PLXNA4: variants seen among roughly 807,000 people sequenced by gnomAD.
PLXNA4 encodes plexin-A4.
PLXNA4 carries 44 observed loss-of-function variants against 191.8 expected under a neutral mutation model. The ratio of observed to expected loss-of-function variants is 0.23; its 90% CI spans 0.18 to 0.29. The LOEUF (loss-of-function observed/expected upper bound fraction) is 0.29, where lower values mean the gene tolerates loss of function less well. Among genes scored for constraint, PLXNA4 ranks in the 10% least tolerant of loss-of-function variants. The pLI is 1.00. For missense variants in PLXNA4, 1,800 were observed against 2,488.8 expected, an observed-to-expected ratio of 0.72 and a Z score of 5.89; for synonymous variants, 1,082 against 1,009.5, an observed-to-expected ratio of 1.07 and a Z score of -1.36.
In PLXNA4 at chr7:132,130,179, C is replaced by T. The variant is rs1415471491; in HGVS notation, c.*300G>A. On this transcript the variant is annotated 3_prime_UTR_variant, in exon 32 of 32. Transcript: ENST00000321063. ...CTGCTGACATGCACAGGGTCAGGAG[C>T]ACCTGGGAGACAGAGGCCTCTCTGA... The T allele has an allele frequency of 5.6e-6, 2 of 356,820 alleles. No individual in the cohort carries two copies. Among genetic ancestry groups the T allele is most frequent in the African/African-American group, 2.1e-5 (1 of 48,704 alleles). The allele number at this position is 356,820 out of a possible 1,614,324, so 22.1% of individuals were successfully genotyped here. A position where few individuals can be genotyped will look rare whatever the true frequency, so the allele number is the denominator to read the frequency against.
At chr7:132,589,400 AAAT>A (rs1222473703) in intron 2 of PLXNA4, among the ~76,000 whole-genome samples, 12 of 152,310 alleles carry the variant, frequency 7.9e-5, no homozygotes, top group African/African-American at 2.9e-4. Flanking sequence ...ACTCAGTAAG[AAAT>A]AATGTTTATA....
chr7:132,595,698 G>A (rs1251399648), intron 2 of PLXNA4, among the ~76,000 whole-genome samples: 2 of 152,190 alleles, frequency 1.3e-5, no homozygotes, highest in African/African-American at 4.8e-5. Context: ...AGGAAGATCA[G>A]ATAGAAGTTA....
Position 132,507,704 on chromosome 7 carries a change from T to C in PLXNA4, c.990A>G (p.Pro330=). ...AVLGRTLGVH[P]DDDLLFTVFS... Reference sequence around the variant, plus strand: ...AGACGGTGAAGAGCAGGTCATCATCTGGATGGACTCCAAGGGTCCTGCCAA... The same window carrying C: ...AGACGGTGAAGAGCAGGTCATCATCCGGATGGACTCCAAGGGTCCTGCCAA... Residue 330 remains proline, a synonymous_variant, in exon 2 of 32, where the codon CCA becomes CCG. Coordinates refer to ENST00000321063, the MANE Select transcript of PLXNA4 (RefSeq NM_020911.2). 6.2e-7 allele frequency: 1 copy of C among 1,614,216 alleles called. No individual in the cohort carries two copies. Among genetic ancestry groups the C allele is most frequent in the South Asian group, 1.1e-5 (1 of 91,090 alleles).
chr7:132,516,280 C>T (rs1798936103), intron 1 of PLXNA4, among the ~76,000 whole-genome samples: 1 of 151,226 alleles, frequency 6.6e-6, no homozygotes, highest in African/African-American at 2.4e-5. Context: ...AAAGGTAAAG[C>T]TCTTTTTTAA....
intron 3 of PLXNA4, among the ~76,000 whole-genome samples, chr7:132,340,687 G>A (rs970442056): frequency 6.6e-6 from 1 of 152,188 alleles, no homozygotes; most frequent in Non-Finnish European, 1.5e-5. Context: ...CATCCTGCAA[G>A]TCCAGTTTTC....
intron 1 of PLXNA4, among the ~76,000 whole-genome samples, chr7:132,509,241 C>G (rs1470906010): frequency 1.3e-5 from 2 of 152,094 alleles, no homozygotes; most frequent in African/African-American, 4.8e-5. Flanking sequence ...TCCGGTGTTC[C>G]CCACAGCAGG....
At position 132,370,372 on chromosome 7, in the gene PLXNA4, G is replaced by A. The variant is rs1019978467; in HGVS notation, c.1372-72150C>T. Reference sequence around the variant, plus strand: ...ACTGGGAAGCCCACAGGCCTCACAAGCCAGAGGCACCATGGTTTCTTGACT... The same window carrying A: ...ACTGGGAAGCCCACAGGCCTCACAAACCAGAGGCACCATGGTTTCTTGACT... On this transcript the variant is annotated intron_variant, in intron 3 of 31. Coordinates refer to ENST00000321063, the MANE Select transcript of PLXNA4 (RefSeq NM_020911.2). Among the ~76,000 whole-genome samples the A allele has an allele frequency of 7.2e-5, 11 of 152,314 alleles. No individual in the cohort carries two copies. In the East Asian group the frequency reaches 1.5e-3, roughly 21 times the overall value.
chr7:132,232,562 C>G (rs984948667), intron 5 of PLXNA4, among the ~76,000 whole-genome samples: 2 of 152,102 alleles, frequency 1.3e-5, no homozygotes, highest in Non-Finnish European at 2.9e-5. Flanking sequence ...AGCCTCAGAT[C>G]AAAGGTGCAA....
chr7:132,594,288 A>C (rs1350782316), intron 2 of PLXNA4, among the ~76,000 whole-genome samples: 2 of 152,154 alleles, frequency 1.3e-5, no homozygotes, highest in African/African-American at 4.8e-5. Flanking sequence ...CTCCATATGG[A>C]GTTATTCTGT....
chr7:132,275,417 A>G (rs1039954460), intron 4 of PLXNA4, among the ~76,000 whole-genome samples: 5 of 152,200 alleles, frequency 3.3e-5, no homozygotes, highest in Admixed American at 3.3e-4. Flanking sequence ...TAGTTTCATG[A>G]AACCACCACC....
chr7:132,468,666 TG>T (rs1445733704), intron 3 of PLXNA4, among the ~76,000 whole-genome samples: 1 of 151,868 alleles, frequency 6.6e-6, no homozygotes, highest in Non-Finnish European at 1.5e-5. Context: ...TTATCCAAAA[TG>T]GCAGACAGGT....
At chr7:132,217,206 G>A (rs1011642214) in intron 9 of PLXNA4, among the ~76,000 whole-genome samples, 6 of 152,196 alleles carry the variant, frequency 3.9e-5, no homozygotes, top group Non-Finnish European at 7.3e-5. Flanking sequence ...GCAGGAACAC[G>A]AAGCCAAAGT....
chr7:132,289,963 A>G (rs1364312547), intron 4 of PLXNA4, among the ~76,000 whole-genome samples: 1 of 152,070 alleles, frequency 6.6e-6, no homozygotes, highest in Non-Finnish European at 1.5e-5. Flanking sequence ...CCACTTCACT[A>G]CTGGTTTACG....
chr7:132,357,097 A>G (rs1437425580), intron 3 of PLXNA4, among the ~76,000 whole-genome samples: 1 of 152,238 alleles, frequency 6.6e-6, no homozygotes, highest in Non-Finnish European at 1.5e-5. Context: ...TCGACCAGCC[A>G]GAGTCTCTTC....
chr7:132,501,681 G>A (rs1798262678), intron 2 of PLXNA4, among the ~76,000 whole-genome samples: 1 of 152,198 alleles, frequency 6.6e-6, no homozygotes, highest in Non-Finnish European at 1.5e-5. Flanking sequence ...AGGTGGGCGG[G>A]CCTTTCACCT....
Position 132,159,468 on chromosome 7 carries a change from C to G in PLXNA4, c.4660+5G>C, listed in dbSNP as rs1174765372. On this transcript the variant is annotated splice_donor_5th_base_variant and intron_variant, in intron 25 of 31. Coordinates refer to ENST00000321063, the MANE Select transcript of PLXNA4 (RefSeq NM_020911.2). ...GGACAGCCCCTGGGTGGACAGCCTA[C>G]TCACCCAGATCCATATCTGCAGCTT... The G allele has an allele frequency of 3.7e-6, 6 of 1,613,776 alleles. No individual in the cohort carries two copies. Among genetic ancestry groups the G allele is most frequent in the Non-Finnish European group, 5.1e-6 (6 of 1,179,868 alleles).
chr7:132,445,894 T>C (rs191930900), intron 3 of PLXNA4, among the ~76,000 whole-genome samples: 232 of 151,908 alleles, frequency 1.5e-3, no homozygotes, highest in African/African-American at 5.2e-3. Context: ...CGTGATAAGG[T>C]GGGAAAATGA....
intron 4 of PLXNA4, among the ~76,000 whole-genome samples, chr7:132,268,102 C>A (rs894139040): frequency 1.3e-5 from 2 of 152,108 alleles, no homozygotes; most frequent in Admixed American, 1.3e-4. Context: ...TGGTACACAC[C>A]GTGATTAAAA....
Position 132,496,591 on chromosome 7 carries a change from G to A in PLXNA4, c.1189-7117C>T, listed in dbSNP as rs905504735. ...TAATTTTTTTATTTTTAGTAGAGAC[G>A]GGGTTTCACTATGTTGGCCAGGCTG... On this transcript the variant is annotated intron_variant, in intron 2 of 31. Transcript: ENST00000321063. Among the ~76,000 whole-genome samples, 9 of 152,126 alleles carry A rather than the reference G, an allele frequency of 5.9e-5. No homozygotes were observed. The East Asian group carries it at 1.2e-3, about 20-fold the overall frequency.
Sources: allele counts gnomAD v4.1 joint callset (sites outside exome capture counted in the v4.1 genomes callset), GRCh38; gene constraint gnomAD v4.1.1; transcripts MANE v1.5; gene names NCBI Gene and HGNC (gene_info 2026-07-23, HGNC 2026-07-21).